PVT1: variants seen among roughly 807,000 people sequenced by gnomAD.
The protein encoded by PVT1 is CXCR4/PVT1 fusion.
intron 4 of PVT1, among the ~76,000 whole-genome samples, chr8:127,995,637 C>T (rs926383727): frequency 6.6e-6 from 1 of 152,122 alleles, no homozygotes; most frequent in African/African-American, 2.4e-5. Context: ...CGGTGATGGT[C>T]GTGTTAGTAC....
At chr8:127,889,852 A>G (rs1420810433) in intron 2 of PVT1, among the ~76,000 whole-genome samples, 1 of 152,190 alleles carries the variant, frequency 6.6e-6, no homozygotes, top group African/African-American at 2.4e-5. Context: ...CATCATAGAC[A>G]TTCCCCAAAG....
chr8:128,039,051 C>G (rs779125167), intron 4 of PVT1, among the ~76,000 whole-genome samples: 1 of 152,164 alleles, frequency 6.6e-6, no homozygotes, highest in South Asian at 2.1e-4. Context: ...GCTGAGCCAA[C>G]CTACTCAGCA....
intron 2 of PVT1, among the ~76,000 whole-genome samples, chr8:127,797,005 A>G (rs1467634553): frequency 6.6e-6 from 1 of 151,576 alleles, no homozygotes; most frequent in African/African-American, 2.4e-5. Flanking sequence ...CAGCCTCCCA[A>G]GTAGCTAGGA....
At chr8:127,919,362 G>C (rs1280671692) in intron 3 of PVT1, among the ~76,000 whole-genome samples, 1 of 152,186 alleles carries the variant, frequency 6.6e-6, no homozygotes, top group African/African-American at 2.4e-5. Context: ...AAAGGATTCA[G>C]GTAACAAAGC....
intron 2 of PVT1, among the ~76,000 whole-genome samples, chr8:127,823,393 T>C (rs1586394639): frequency 6.6e-6 from 1 of 152,232 alleles, no homozygotes; most frequent in East Asian, 1.9e-4. Context: ...GTCTGATATC[T>C]TTTTGAAAGA....
Position 128,017,135 on chromosome 8 carries a change from G to A in PVT1, n.912+27844G>A, listed in dbSNP as rs78144619. ...GATGGAAATGCATAGACTCAGAGAG[G>A]TTGGGGGACATATGGGCAGCTATAG... On this transcript the variant is annotated intron_variant and non_coding_transcript_variant, in intron 4 of 10. Transcript: ENST00000651587. Among the ~76,000 whole-genome samples, 306 of 152,330 alleles carry A rather than the reference G, an allele frequency of 2.0e-3. 6 individuals are homozygous for A. The East Asian group carries it at 0.053, about 27-fold the overall frequency.
At chr8:128,041,462 GTGTT>G (rs1223451713) in intron 4 of PVT1, among the ~76,000 whole-genome samples, 1 of 149,860 alleles carries the variant, frequency 6.7e-6, no homozygotes, top group Non-Finnish European at 1.5e-5. Context: ...GCGTGTATAT[GTGTT>G]TGGTGTGTGT....
At chr8:128,059,751 C>A (rs946017196) in intron 4 of PVT1, among the ~76,000 whole-genome samples, 1 of 152,158 alleles carries the variant, frequency 6.6e-6, no homozygotes, top group Non-Finnish European at 1.5e-5. Context: ...TGGCAGTTAT[C>A]ATACCATCCC....
rs6989233 is a variant in PVT1 at position 127,953,057 on chromosome 8, T to C, written n.783-36105T>C. 8.9e-3 allele frequency among the ~76,000 whole-genome samples: 1,355 copies of C among 152,256 alleles called. 22 individuals are homozygous for C. Among genetic ancestry groups the C allele is most frequent in the African/African-American group, 0.029 (1,213 of 41,532 alleles). On this transcript the variant is annotated intron_variant and non_coding_transcript_variant, in intron 3 of 10. Coordinates refer to ENST00000651587, the Ensembl canonical transcript of PVT1. ...GGGATTACAGGCGTGAGCCACCGCG[T>C]CCGGCCCGTGCCTGCATTTTTCAGG...
At chr8:128,016,298 G>C (rs1586482547) in intron 4 of PVT1, among the ~76,000 whole-genome samples, 1 of 148,518 alleles carries the variant, frequency 6.7e-6, no homozygotes, top group Admixed American at 6.6e-5. Context: ...AAGGGGGCGA[G>C]GATGGTAACC....
chr8:127,840,919 G>A (rs1411501200), intron 2 of PVT1, among the ~76,000 whole-genome samples: 2 of 152,198 alleles, frequency 1.3e-5, no homozygotes, highest in Non-Finnish European at 2.9e-5. Flanking sequence ...AGAAGGAAGC[G>A]GCTGTTCAGA....
intron 2 of PVT1, among the ~76,000 whole-genome samples, chr8:127,875,347 G>GTC (rs1554593465): frequency 1.3e-4 from 17 of 129,848 alleles, no homozygotes; most frequent in Non-Finnish European, 2.3e-4. Flanking sequence ...CTCTGACTCT[G>GTC]TCTGTCTCTG....
chr8:128,081,425 T>C (rs1321120853), intron 5 of PVT1, among the ~76,000 whole-genome samples: 1 of 152,208 alleles, frequency 6.6e-6, no homozygotes, highest in Non-Finnish European at 1.5e-5. Context: ...AATTATTGGA[T>C]CACATGGTGA....
At chr8:127,870,086 G>C (rs1164013692) in intron 2 of PVT1, among the ~76,000 whole-genome samples, 1 of 152,230 alleles carries the variant, frequency 6.6e-6, no homozygotes, top group Non-Finnish European at 1.5e-5. Context: ...TTACAGGCAC[G>C]AGCCACTGTG....
intron 3 of PVT1, among the ~76,000 whole-genome samples, chr8:127,958,092 G>A (rs2129939446): frequency 6.6e-6 from 1 of 152,302 alleles, no homozygotes; most frequent in East Asian, 1.9e-4. Context: ...CAAACAGGAT[G>A]GACAGAGTGG....
intron 3 of PVT1, among the ~76,000 whole-genome samples, chr8:127,891,241 A>G (rs1815598767): frequency 6.6e-6 from 1 of 152,208 alleles, no homozygotes; most frequent in Non-Finnish European, 1.5e-5. Context: ...CTACCTCCCT[A>G]TAAAGTGCCT....
chr8:127,927,017 C>A (rs1157020317), intron 3 of PVT1, among the ~76,000 whole-genome samples: 4 of 152,160 alleles, frequency 2.6e-5, no homozygotes, highest in Non-Finnish European at 4.4e-5. Flanking sequence ...CCGACAATGA[C>A]CTCAGCAGAA....
intron 2 of PVT1, among the ~76,000 whole-genome samples, chr8:127,863,540 C>T (rs1432378100): frequency 6.6e-6 from 1 of 152,156 alleles, no homozygotes; most frequent in South Asian, 2.1e-4. Flanking sequence ...TCTGGGAGCC[C>T]CACCTTAAAC....
intron 5 of PVT1, among the ~76,000 whole-genome samples, chr8:128,095,918 G>T (rs769177458): frequency 2.4e-4 from 36 of 152,170 alleles, no homozygotes; most frequent in Admixed American, 4.6e-4. Flanking sequence ...TGGCTTCTCT[G>T]TGCCCTCCAG....
Sources: allele counts gnomAD v4.1 joint callset (sites outside exome capture counted in the v4.1 genomes callset), GRCh38; gene constraint gnomAD v4.1.1; transcripts MANE v1.5; gene names NCBI Gene and HGNC (gene_info 2026-07-23, HGNC 2026-07-21).